The following CNTLN variants were observed in gnomAD, a reference collection of about 807,000 sequenced individuals.
The protein encoded by CNTLN is centlein, also known as centlein, centrosomal protein.
In CNTLN, 212 loss-of-function variants were observed where a neutral mutation model predicts 180.0. That is an observed-to-expected ratio of 1.18 (90% confidence interval 1.05 to 1.32). The LOEUF (loss-of-function observed/expected upper bound fraction) is 1.32, where lower values mean the gene tolerates loss of function less well. Ranked by LOEUF, CNTLN falls within the 40% of genes most tolerant of loss-of-function variation. The pLI, the probability that CNTLN is intolerant of heterozygous loss-of-function variation, is 0.00. For synonymous variants in CNTLN, 722 were observed against 563.1 expected, an observed-to-expected ratio of 1.28 and a Z score of -3.99; for missense variants, 2,095 against 1,610.9, an observed-to-expected ratio of 1.30 and a Z score of -5.14.
chr9:17,277,814 T>G (rs1330365739), intron 6 of CNTLN, among the ~76,000 whole-genome samples: 1 of 152,102 alleles, frequency 6.6e-6, no homozygotes, highest in Non-Finnish European at 1.5e-5. Flanking sequence ...TTACCTCTAT[T>G]CAGAGAATTC....
At chr9:17,423,513 G>C (rs1479520621) in intron 18 of CNTLN, among the ~76,000 whole-genome samples, 1 of 152,100 alleles carries the variant, frequency 6.6e-6, no homozygotes, top group Non-Finnish European at 1.5e-5. Flanking sequence ...CTGGAGTAAA[G>C]GGAGGGGTGA....
chr9:17,378,717 G>A (rs1824984623), intron 13 of CNTLN, among the ~76,000 whole-genome samples: 1 of 152,000 alleles, frequency 6.6e-6, no homozygotes, highest in Non-Finnish European at 1.5e-5. Context: ...TGTACACTTT[G>A]CTCCACCAAC....
intron 18 of CNTLN, among the ~76,000 whole-genome samples, chr9:17,455,160 G>C (rs183938865): frequency 6.6e-6 from 1 of 152,278 alleles, no homozygotes; most frequent in Non-Finnish European, 1.5e-5. Context: ...TAGAGCTCCA[G>C]TTATTTGTCC....
At chr9:17,136,521 G>C (rs906626582) in intron 1 of CNTLN, among the ~76,000 whole-genome samples, 8 of 152,138 alleles carry the variant, frequency 5.3e-5, no homozygotes, top group African/African-American at 1.9e-4. Context: ...AGTAGAGATG[G>C]GGTTTCACCG....
chr9:17,284,881 G>C (rs2132621258), intron 6 of CNTLN, among the ~76,000 whole-genome samples: 1 of 152,044 alleles, frequency 6.6e-6, no homozygotes, highest in Non-Finnish European at 1.5e-5. Flanking sequence ...CTAGCTTTTT[G>C]ATGTGGGCAG....
chr9:17,221,265 T>C (rs1366133006), intron 2 of CNTLN, among the ~76,000 whole-genome samples: 1 of 152,010 alleles, frequency 6.6e-6, no homozygotes, highest in Non-Finnish European at 1.5e-5. Context: ...TATTTTAACA[T>C]AAAATAGTTG....
intron 6 of CNTLN, among the ~76,000 whole-genome samples, chr9:17,290,060 G>A (rs527692468): frequency 6.8e-4 from 103 of 152,294 alleles, no homozygotes; most frequent in African/African-American, 2.1e-3. Context: ...GAGGAACTGC[G>A]TTCCTTTGGA....
At chr9:17,485,523 A>G (rs1306775650) in intron 24 of CNTLN, among the ~76,000 whole-genome samples, 2 of 152,144 alleles carry the variant, frequency 1.3e-5, no homozygotes, top group African/African-American at 4.8e-5. Flanking sequence ...ATAGTACCAA[A>G]TGTAAGACAC....
intron 12 of CNTLN, among the ~76,000 whole-genome samples, chr9:17,365,317 C>T (rs180800941): frequency 2.0e-5 from 3 of 152,306 alleles, no homozygotes; most frequent in Admixed American, 2.0e-4. Context: ...TCCCCTTCTG[C>T]CATGAATGTT....
intron 7 of CNTLN, among the ~76,000 whole-genome samples, chr9:17,303,623 CTTAT>C (rs976732681): frequency 1.3e-4 from 20 of 151,876 alleles, no homozygotes; most frequent in Non-Finnish European, 2.5e-4. Context: ...ATCACATTGC[CTTAT>C]TTGTCAGGTG....
chr9:17,420,896 C>T (rs1828667166), intron 18 of CNTLN, among the ~76,000 whole-genome samples: 1 of 152,062 alleles, frequency 6.6e-6, no homozygotes, highest in South Asian at 2.1e-4. Flanking sequence ...TTGATTTCTA[C>T]TTTAATTCCA....
intron 2 of CNTLN, among the ~76,000 whole-genome samples, chr9:17,194,354 C>G (rs1440810876): frequency 6.6e-6 from 1 of 152,202 alleles, no homozygotes; most frequent in East Asian, 1.9e-4. Context: ...ATGTCTTTAA[C>G]AGTATCCAAG....
intron 16 of CNTLN, 51 bp downstream of exon 16, chr9:17,409,524 T>C (rs376132861): frequency 5.1e-4 from 679 of 1,319,584 alleles, no homozygotes; most frequent in Non-Finnish European, 6.8e-4. Context: ...AATTTTATCT[T>C]ATGCTTTATA....
intron 5 of CNTLN, among the ~76,000 whole-genome samples, chr9:17,249,052 TCTC>T (rs1343077571): frequency 1.3e-5 from 2 of 152,044 alleles, no homozygotes; most frequent in African/African-American, 4.8e-5. Flanking sequence ...TTCCATCCCT[TCTC>T]CTTTTAAAAT....
At chr9:17,355,034 C>T (rs10810772) in intron 12 of CNTLN, among the ~76,000 whole-genome samples, 35,770 of 151,796 alleles carry the variant, frequency 0.24, 4,398 homozygotes, top group South Asian at 0.34. Context: ...ACGAACCCAC[C>T]AGAAGGAAGA....
chr9:17,309,282 A>G (rs201864988), intron 8 of CNTLN, 30 bp downstream of exon 8: 29 of 1,456,222 alleles, frequency 2.0e-5, no homozygotes, highest in Non-Finnish European at 2.6e-5. Context: ...ACTGTTATTC[A>G]GTGTAATATT....
At chr9:17,282,751 A>C (rs1485501353) in intron 6 of CNTLN, among the ~76,000 whole-genome samples, 1 of 151,964 alleles carries the variant, frequency 6.6e-6, no homozygotes, top group Non-Finnish European at 1.5e-5. Flanking sequence ...ACCTATCTTG[A>C]ATTGATTTTT....
intron 9 of CNTLN, among the ~76,000 whole-genome samples, chr9:17,331,839 G>A (rs1458977709): frequency 1.3e-5 from 2 of 151,968 alleles, no homozygotes; most frequent in African/African-American, 4.8e-5. Context: ...TTGAAATACA[G>A]CATTACCGGG....
chr9:17,237,200 T>TATTACA (rs2132161706), intron 5 of CNTLN, among the ~76,000 whole-genome samples: 1 of 152,188 alleles, frequency 6.6e-6, no homozygotes, highest in African/African-American at 2.4e-5. Flanking sequence ...TTCAAAATAA[T>TATTACA]ACTTTTTTAT....
Sources: gnomAD v4.1 joint callset for allele counts (sites outside exome capture counted in the v4.1 genomes callset) on GRCh38, gnomAD v4.1.1 for gene constraint, MANE v1.5 for transcripts, NCBI Gene and HGNC (gene_info 2026-07-23, HGNC 2026-07-21) for gene names.